Variants in ERG observed in about 807,000 individuals in gnomAD.
ERG encodes transcriptional regulator ERG.
In ERG, 9 loss-of-function variants were observed where a neutral mutation model predicts 55.3. The ratio of observed to expected loss-of-function variants is 0.16; its 90% confidence interval spans 0.10 to 0.28. The LOEUF is 0.28. ERG is among the 10% of genes least tolerant of loss of function. The probability of loss-of-function intolerance (pLI) is 1.00; values close to 1 mark genes in which losing one functional copy is unlikely to be tolerated. For missense variants in ERG, 434 were observed against 631.6 expected, an observed-to-expected ratio of 0.69 and a Z score of 3.35; for synonymous variants, 223 against 237.3, an observed-to-expected ratio of 0.94 and a Z score of 0.55.
At chr21:38,379,883 G>C (rs980325845), downstream of ERG, 12 of 280,688 alleles carry the variant, frequency 4.3e-5, no homozygotes, top group African/African-American at 4.6e-5. Context: ...TTTTTTTGTA[G>C]AGACTGGGTA....
At chr21:38,431,232 G>A (rs1990192771) in intron 2 of ERG, among the ~76,000 whole-genome samples, 1 of 152,152 alleles carries the variant, frequency 6.6e-6, no homozygotes, top group Non-Finnish European at 1.5e-5. Context: ...AAGCCCAGTT[G>A]GGTTCTCATA....
intron 2 of ERG, among the ~76,000 whole-genome samples, chr21:38,573,266 T>A (rs1461631312): frequency 6.6e-6 from 1 of 152,184 alleles, no homozygotes; most frequent in African/African-American, 2.4e-5. Context: ...CCTCGTGGGA[T>A]GAGAAAGACC....
intron 6 of ERG, 87 bp downstream of exon 6, chr21:38,400,487 T>C: frequency 9.5e-7 from 1 of 1,052,412 alleles, no homozygotes; most frequent in Non-Finnish European, 1.5e-6. Flanking sequence ...ATCAGCTCTC[T>C]TTGTATCACG....
intron 2 of ERG, among the ~76,000 whole-genome samples, chr21:38,557,348 A>AT (rs2059864500): frequency 6.6e-6 from 1 of 152,228 alleles, no homozygotes; most frequent in Non-Finnish European, 1.5e-5. Context: ...GCAATATACT[A>AT]TTTTAGAATA....
chr21:38,384,752 A>T (rs549943066), intron 9 of ERG, among the ~76,000 whole-genome samples: 11 of 152,206 alleles, frequency 7.2e-5, no homozygotes, highest in Admixed American at 6.5e-4. Context: ...TTCTAACATA[A>T]CATTTTGCTG....
At chr21:38,656,681 T>C (rs1267915467) in intron 1 of ERG, among the ~76,000 whole-genome samples, 2 of 152,210 alleles carry the variant, frequency 1.3e-5, no homozygotes, top group Non-Finnish European at 2.9e-5. Context: ...TTAATGGAAA[T>C]AGGACGATAG....
chr21:38,587,938 G>A (rs138702702), upstream of ERG, among the ~76,000 whole-genome samples: 80 of 152,268 alleles, frequency 5.3e-4, 1 homozygote, highest in African/African-American at 1.9e-3. Flanking sequence ...AGCCCAGAGA[G>A]GATTCTCTTA....
intron 2 of ERG, among the ~76,000 whole-genome samples, chr21:38,512,038 C>T (rs191448559): frequency 2.6e-5 from 4 of 152,262 alleles, no homozygotes; most frequent in Non-Finnish European, 5.9e-5. Context: ...GACTGTCAGC[C>T]TAATGGAAGG....
intron 2 of ERG, among the ~76,000 whole-genome samples, chr21:38,571,559 G>T (rs557001487): frequency 2.0e-5 from 3 of 151,506 alleles, no homozygotes; most frequent in Admixed American, 6.6e-5. Context: ...TTTAAAAAAG[G>T]TACCTGGAAC....
At chr21:38,524,923 T>C (rs1424381043) in intron 2 of ERG, among the ~76,000 whole-genome samples, 1 of 152,206 alleles carries the variant, frequency 6.6e-6, no homozygotes, top group Non-Finnish European at 1.5e-5. Flanking sequence ...CTGTTTGAAA[T>C]ACTTCCTAAA....
intron 1 of ERG, among the ~76,000 whole-genome samples, chr21:38,653,391 T>C (rs2060499750): frequency 6.6e-6 from 1 of 152,160 alleles, no homozygotes; most frequent in Non-Finnish European, 1.5e-5. Flanking sequence ...CTGTATCTTC[T>C]CACCTTGAGT....
chr21:38,530,885 G>A (rs1021931822), intron 2 of ERG, among the ~76,000 whole-genome samples: 3 of 152,160 alleles, frequency 2.0e-5, no homozygotes, highest in Non-Finnish European at 4.4e-5. Flanking sequence ...TTCAGAAAAG[G>A]CTCAATAGTA....
intron 3 of ERG, among the ~76,000 whole-genome samples, chr21:38,422,958 T>G (rs1571704): frequency 0.95 from 145,262 of 152,184 alleles, 69,388 homozygotes; most frequent in African/African-American, 0.99. Flanking sequence ...CTCCAAGAAG[T>G]GGCAATTCCT....
chr21:38,481,968 A>G (rs1030973668), intron 1 of ERG, among the ~76,000 whole-genome samples: 6 of 152,358 alleles, frequency 3.9e-5, no homozygotes, highest in African/African-American at 1.2e-4. Context: ...AATCCTGGAT[A>G]AATGCTGGTA....
At chr21:38,610,914 A>G (rs1436616428) in intron 1 of ERG, among the ~76,000 whole-genome samples, 1 of 152,238 alleles carries the variant, frequency 6.6e-6, no homozygotes, top group African/African-American at 2.4e-5. Context: ...AGTGTTTCAC[A>G]CAGAGGAGAA....
chr21:38,458,651 T>G (rs1237174769), intron 1 of ERG, among the ~76,000 whole-genome samples: 1 of 152,188 alleles, frequency 6.6e-6, no homozygotes, highest in Non-Finnish European at 1.5e-5. Context: ...CTAGTTTCAC[T>G]CACGTCAGTG....
At chr21:38,576,632 C>A (rs1469294667) in intron 1 of ERG, among the ~76,000 whole-genome samples, 1 of 152,222 alleles carries the variant, frequency 6.6e-6, no homozygotes, top group Non-Finnish European at 1.5e-5. Context: ...TTCCACCGAG[C>A]CAGTCTCCAA....
intron 2 of ERG, among the ~76,000 whole-genome samples, chr21:38,430,769 C>A (rs892287083): frequency 2.0e-5 from 3 of 152,202 alleles, no homozygotes; most frequent in African/African-American, 7.2e-5. Context: ...GCCACACAGC[C>A]TCAAACTCCT....
At chr21:38,511,575 G>A (rs1280948665) in intron 2 of ERG, among the ~76,000 whole-genome samples, 1 of 152,072 alleles carries the variant, frequency 6.6e-6, no homozygotes, top group Admixed American at 6.5e-5. Flanking sequence ...GTATCACTAG[G>A]AAAGAAAAAA....
Sources: gnomAD v4.1 joint callset for allele counts (sites outside exome capture counted in the v4.1 genomes callset) on GRCh38, gnomAD v4.1.1 for gene constraint, MANE v1.5 for transcripts, NCBI Gene and HGNC (gene_info 2026-07-23, HGNC 2026-07-21) for gene names.